RHEX: variants seen among roughly 807,000 people sequenced by gnomAD.
RHEX encodes regulator of hemoglobinization and erythroid cell expansion, also known as regulator of hemoglobinization and erythroid cell expansion protein.
In RHEX, 18 loss-of-function variants were observed where a neutral mutation model predicts 20.1. That is an observed-to-expected ratio of 0.90 (90% CI 0.62 to 1.33). The LOEUF is 1.33. Ranked by LOEUF, RHEX falls within the 40% of genes most tolerant of loss-of-function variation. The pLI, the probability that RHEX is intolerant of heterozygous loss-of-function variation, is 0.00. For missense variants in RHEX, 192 were observed against 214.3 expected, an observed-to-expected ratio of 0.90 and a Z score of 0.65; for synonymous variants, 87 against 77.1, an observed-to-expected ratio of 1.13 and a Z score of -0.67.
At chr1:206,079,747 G>T (rs565008259) in intron 1 of RHEX, among the ~76,000 whole-genome samples, 2 of 152,086 alleles carry the variant, frequency 1.3e-5, no homozygotes, top group Non-Finnish European at 2.9e-5. Context: ...GTAGAGACGG[G>T]GTTTCACCAT....
chr1:206,072,026 T>A (rs1553284717), intron 1 of RHEX, among the ~76,000 whole-genome samples: 1 of 152,184 alleles, frequency 6.6e-6, no homozygotes, highest in African/African-American at 2.4e-5. Flanking sequence ...CCCTTTTTTT[T>A]AGAACCTGTC....
intron 1 of RHEX, among the ~76,000 whole-genome samples, chr1:206,058,609 A>T (rs1662244786): frequency 6.6e-6 from 1 of 152,194 alleles, no homozygotes. Context: ...TAACTTAGAA[A>T]CTGATGTTAT....
intron 1 of RHEX, among the ~76,000 whole-genome samples, chr1:206,077,207 A>G (rs1405054795): frequency 1.3e-5 from 2 of 152,162 alleles, no homozygotes. Context: ...GTGTTCAGTG[A>G]TGATGGTGAG....
intron 1 of RHEX, among the ~76,000 whole-genome samples, chr1:206,072,920 C>T (rs1422886245): frequency 6.7e-6 from 1 of 150,264 alleles, no homozygotes; most frequent in African/African-American, 2.5e-5. Flanking sequence ...CAACCTTAAC[C>T]TTCTGGACTC....
intron 1 of RHEX, among the ~76,000 whole-genome samples, chr1:206,074,512 C>T (rs1662595442): frequency 6.6e-6 from 1 of 152,200 alleles, no homozygotes; most frequent in Admixed American, 6.5e-5. Flanking sequence ...ACATACCACA[C>T]ATTTCACCAA....
intron 1 of RHEX, among the ~76,000 whole-genome samples, chr1:206,068,120 C>T (rs1662463677): frequency 6.6e-6 from 1 of 152,212 alleles, no homozygotes; most frequent in Non-Finnish European, 1.5e-5. Context: ...GATTTTCCTG[C>T]TGTACACCTG....
At chr1:206,101,341 A>G in intron 5 of RHEX, 144 bp downstream of exon 5, 1 of 662,714 alleles carries the variant, frequency 1.5e-6, no homozygotes, top group South Asian at 1.9e-5. Context: ...TCCTCAGGTG[A>G]GGGGGGGTCA....
chr1:206,099,234 G>A (rs1663136706), intron 3 of RHEX, among the ~76,000 whole-genome samples: 2 of 152,132 alleles, frequency 1.3e-5, no homozygotes, highest in African/African-American at 4.8e-5. Flanking sequence ...AGGTTTGAAG[G>A]GATCTTTCTG....
At chr1:206,082,938 A>G (rs1255991562) in intron 1 of RHEX, among the ~76,000 whole-genome samples, 1 of 152,184 alleles carries the variant, frequency 6.6e-6, no homozygotes, top group Non-Finnish European at 1.5e-5. Flanking sequence ...TAGGCCCTCC[A>G]AAGAGCCTGA....
chr1:206,097,755 C>T lies in RHEX; in HGVS notation c.-74C>T. 6.2e-7 allele frequency: 1 copy of T among 1,613,712 alleles called. No homozygotes were observed. The highest frequency in any genetic ancestry group is 1.1e-5 in the South Asian group (1 of 91,060). On this transcript the variant is annotated 5_prime_UTR_variant, in exon 2 of 6. Transcript: ENST00000331555. ...CAGATCTCCAGCACCCTGCCGGTGG[C>T]ACTACTGAGAGACGAGGTGCCAGGG...
rs782223979 is a variant in RHEX at position 206,101,761 on chromosome 1, GA to G, written c.329del (p.Asp110ValfsTer15). The G allele has an allele frequency of 5.0e-6, 8 of 1,612,478 alleles. No homozygotes were observed. In the Admixed American group the frequency reaches 6.7e-5, roughly 13 times the overall value. ...SSPPACQATE[D>X]VDYTQVVFSD... ...CTGCTTTTCTCCTAAGGCCACAGAG[GA>G]TGTGGATTACACACAAGTCGTCTTT... is the stretch of plus-strand genomic sequence containing the variant. On this transcript the variant is annotated frameshift_variant, in exon 6 of 6. Transcript: ENST00000331555. LOFTEE classifies it high-confidence loss of function.
intron 1 of RHEX, among the ~76,000 whole-genome samples, chr1:206,077,652 G>T (rs1266203113): frequency 6.6e-6 from 1 of 152,136 alleles, no homozygotes; most frequent in Non-Finnish European, 1.5e-5. Context: ...AGTGCCTGCA[G>T]GCCTAGCCAC....
intron 1 of RHEX, among the ~76,000 whole-genome samples, chr1:206,090,202 CTTTTTTTTTTT>C (rs59499927): frequency 8.9e-6 from 1 of 112,590 alleles, no homozygotes; most frequent in Non-Finnish European, 1.8e-5. Flanking sequence ...TCTTTTCTTT[CTTTTTTTTTTT>C]TTTTTTTTTT....
chr1:206,069,646 A>T (rs1447481761), intron 1 of RHEX, among the ~76,000 whole-genome samples: 1 of 152,202 alleles, frequency 6.6e-6, no homozygotes, highest in East Asian at 1.9e-4. Flanking sequence ...TCTTCAATAC[A>T]GAATTAGTCT....
chr1:206,071,546 CAAAAA>C (rs35408708), intron 1 of RHEX, among the ~76,000 whole-genome samples: 2 of 95,894 alleles, frequency 2.1e-5, no homozygotes, highest in Admixed American at 1.1e-4. Flanking sequence ...GTTGAAAATG[CAAAAA>C]AAAAAAAAAA....
chr1:206,074,217 C>A (rs1662588955), intron 1 of RHEX, among the ~76,000 whole-genome samples: 1 of 152,208 alleles, frequency 6.6e-6, no homozygotes, highest in African/African-American at 2.4e-5. Flanking sequence ...TTTTAACTTT[C>A]CATAATAAAA....
chr1:206,074,877 A>G (rs894915194), intron 1 of RHEX, among the ~76,000 whole-genome samples: 2 of 152,194 alleles, frequency 1.3e-5, no homozygotes, highest in African/African-American at 2.4e-5. Flanking sequence ...CTCATAGGTG[A>G]TGTATTTTTT....
chr1:206,083,919 C>G (rs1281859512), intron 1 of RHEX, among the ~76,000 whole-genome samples: 8 of 152,172 alleles, frequency 5.3e-5, no homozygotes, highest in Non-Finnish European at 2.9e-5. Context: ...TTGGGTCCAG[C>G]AAAAACTGGT....
intron 1 of RHEX, among the ~76,000 whole-genome samples, chr1:206,053,795 A>G (rs1388295718): frequency 1.3e-5 from 2 of 152,226 alleles, no homozygotes; most frequent in Non-Finnish European, 2.9e-5. Context: ...TTCCATACAT[A>G]GAAAGTTACA....
Sources: allele counts gnomAD v4.1 joint callset (sites outside exome capture counted in the v4.1 genomes callset), GRCh38; gene constraint gnomAD v4.1.1; transcripts MANE v1.5; gene names NCBI Gene and HGNC (gene_info 2026-07-23, HGNC 2026-07-21).